Variants in CADPS2 observed in about 807,000 individuals in gnomAD.
CADPS2 encodes the protein calcium-dependent secretion activator 2.
A neutral mutation model predicts 172.5 loss-of-function variants in CADPS2; 93 were observed. That is an observed-to-expected ratio of 0.54 (90% CI 0.46 to 0.64). CADPS2 has a LOEUF of 0.64. CADPS2 is among the 30% of genes least tolerant of loss of function. The pLI, the probability that CADPS2 is intolerant of heterozygous loss-of-function variation, is 0.00. For missense variants in CADPS2, 1,420 were observed against 1,565.9 expected, an observed-to-expected ratio of 0.91 and a Z score of 1.57; for synonymous variants, 546 against 555.2, an observed-to-expected ratio of 0.98 and a Z score of 0.23.
chr7:122,475,701 A>G (rs910239747), intron 12 of CADPS2, among the ~76,000 whole-genome samples: 2 of 152,210 alleles, frequency 1.3e-5, no homozygotes, highest in Admixed American at 6.5e-5. Context: ...GAAGAACTAC[A>G]TAATTCAAGC....
intron 4 of CADPS2, among the ~76,000 whole-genome samples, chr7:122,623,043 A>T (rs2075753882): frequency 1.3e-5 from 2 of 152,186 alleles, no homozygotes. Flanking sequence ...ATTTACATAT[A>T]ATCAAAATTA....
At chr7:122,785,351 T>C (rs1353864196) in intron 1 of CADPS2, among the ~76,000 whole-genome samples, 3 of 152,170 alleles carry the variant, frequency 2.0e-5, no homozygotes, top group Non-Finnish European at 1.5e-5. Context: ...AAAGTCTGAT[T>C]GTTAGTTCTC....
intron 8 of CADPS2, among the ~76,000 whole-genome samples, chr7:122,522,579 C>A (rs1032755097): frequency 7.2e-5 from 11 of 152,108 alleles, no homozygotes; most frequent in Non-Finnish European, 1.6e-4. Flanking sequence ...TTCAAATCTT[C>A]TCTTCTAGCT....
intron 6 of CADPS2, among the ~76,000 whole-genome samples, chr7:122,598,855 A>G (rs1413809990): frequency 6.6e-6 from 1 of 152,120 alleles, no homozygotes; most frequent in Non-Finnish European, 1.5e-5. Flanking sequence ...TTCTGTCTTC[A>G]GTGAGCTCAA....
At chr7:122,616,128 G>A (rs939714406) in intron 5 of CADPS2, among the ~76,000 whole-genome samples, 10 of 151,984 alleles carry the variant, frequency 6.6e-5, no homozygotes, top group South Asian at 2.1e-4. Flanking sequence ...TTACCATAGC[G>A]TTTTCAATCA....
chr7:122,615,176 C>A lies in CADPS2; in HGVS notation c.1223+5G>T. 6.7e-7 allele frequency: 1 copy of A among 1,499,262 alleles called. No individual in the cohort carries two copies. Among genetic ancestry groups the A allele is most frequent in the Non-Finnish European group, 9.0e-7 (1 of 1,107,060 alleles). 92.9% of individuals were successfully genotyped at this position (1,499,262 alleles called of 1,614,324 possible). On this transcript the variant is annotated splice_donor_5th_base_variant and intron_variant, in intron 6 of 29. Transcript: ENST00000449022. The stretch of plus-strand genomic sequence containing the variant: ...ACAATAATACACTTTTTTCAACTGG[C>A]TTACTGTGGCCTTGAGGCTTCGGCC...
At position 122,345,682 on chromosome 7, in the gene CADPS2, C is replaced by G; in HGVS notation, c.3505-1G>C. ...TGTCTGCCAGATCCATTCCTGGTTT[C>G]TGTTGTGAAGGAAAAGCAGGGGGAA... is the stretch of plus-strand genomic sequence containing the variant. On this transcript the variant is annotated splice_acceptor_variant, in intron 27 of 29. Transcript: ENST00000449022. LOFTEE classifies it high-confidence loss of function. The G allele has an allele frequency of 6.3e-7, 1 of 1,596,056 alleles. No homozygotes were observed. Among genetic ancestry groups the G allele is most frequent in the South Asian group, 1.1e-5 (1 of 89,468 alleles).
intron 9 of CADPS2, among the ~76,000 whole-genome samples, chr7:122,504,286 C>T (rs952657446): frequency 3.3e-5 from 5 of 152,320 alleles, no homozygotes; most frequent in Admixed American, 1.3e-4. Flanking sequence ...ACACAGTGGT[C>T]TCCCCGTGAA....
intron 1 of CADPS2, among the ~76,000 whole-genome samples, chr7:122,788,515 C>CA (rs1794564426): frequency 6.6e-6 from 1 of 152,148 alleles, no homozygotes; most frequent in Non-Finnish European, 1.5e-5. Flanking sequence ...TTAAACTTAC[C>CA]AAAAATTGCT....
intron 1 of CADPS2, among the ~76,000 whole-genome samples, chr7:122,754,983 T>C (rs571847703): frequency 5.9e-5 from 9 of 152,316 alleles, no homozygotes; most frequent in African/African-American, 1.7e-4. Flanking sequence ...TAATGGCTCA[T>C]AGTCTCCTTT....
chr7:122,608,849 ATTTTATTGTGGTACTGC>A (rs1388086061), intron 6 of CADPS2, among the ~76,000 whole-genome samples: 29 of 152,046 alleles, frequency 1.9e-4, no homozygotes, highest in African/African-American at 7.0e-4. Flanking sequence ...GTGCACTTAT[ATTTTATTGTGGTACTGC>A]ACTGGACACT....
chr7:122,766,025 A>T (rs2093540842), intron 1 of CADPS2, among the ~76,000 whole-genome samples: 1 of 152,106 alleles, frequency 6.6e-6, no homozygotes, highest in African/African-American at 2.4e-5. Context: ...AGGTTGGGAA[A>T]TCTAAGATTT....
At chr7:122,591,691 C>T (rs532953221) in intron 6 of CADPS2, among the ~76,000 whole-genome samples, 5 of 151,992 alleles carry the variant, frequency 3.3e-5, no homozygotes, top group African/African-American at 1.2e-4. Flanking sequence ...CACACATCTA[C>T]AACCATGTGA....
chr7:122,504,579 TTTTTAGAGACAGGATCTCACTC>T (rs1325095341), intron 9 of CADPS2, among the ~76,000 whole-genome samples: 2 of 152,130 alleles, frequency 1.3e-5, no homozygotes, highest in Non-Finnish European at 2.9e-5. Flanking sequence ...GTTTCTTTTA[TTTTTAGAGACAGGATCTCACTC>T]TGTCACCTAG....
chr7:122,784,352 C>T (rs1793514803), intron 1 of CADPS2, among the ~76,000 whole-genome samples: 1 of 152,158 alleles, frequency 6.6e-6, no homozygotes, highest in Admixed American at 6.5e-5. Context: ...AATTACAAAT[C>T]CCAAAACAGC....
rs192768882 is a variant in CADPS2, at chr7:122,525,287, T to G, written c.1476-11972A>C. Among the ~76,000 whole-genome samples, 814 of 152,326 alleles carry G rather than the reference T, an allele frequency of 5.3e-3. 6 individuals carry two copies. The highest frequency in any genetic ancestry group is 0.011 in the Admixed American group (163 of 15,292). On this transcript the variant is annotated intron_variant, in intron 8 of 29. Transcript: ENST00000449022. ...GACATTTTAGCAGAGCTCTGAAATT[T>G]AGTAAACAAACTATGTCTGTCTTTA...
chr7:122,812,614 C>T (rs907836884), intron 1 of CADPS2, among the ~76,000 whole-genome samples: 1 of 152,076 alleles, frequency 6.6e-6, no homozygotes, highest in Non-Finnish European at 1.5e-5. Context: ...AATAAGTCTT[C>T]TATTTTTTCT....
chr7:122,614,186 G>A (rs557135951), intron 6 of CADPS2, among the ~76,000 whole-genome samples: 4 of 152,136 alleles, frequency 2.6e-5, no homozygotes, highest in African/African-American at 9.6e-5. Context: ...GGGAGAAGGT[G>A]AGATCCCAGA....
chr7:122,341,488 G>GCATAACTTTTTCAAA (rs1360840381), intron 28 of CADPS2, among the ~76,000 whole-genome samples: 1 of 152,152 alleles, frequency 6.6e-6, no homozygotes, highest in Non-Finnish European at 1.5e-5. Context: ...TACACAGATG[G>GCATAACTTTTTCAAA]CATAACTTTT....
Sources: allele counts gnomAD v4.1 joint callset (sites outside exome capture counted in the v4.1 genomes callset), GRCh38; gene constraint gnomAD v4.1.1; transcripts MANE v1.5; gene names NCBI Gene and HGNC (gene_info 2026-07-23, HGNC 2026-07-21).